The following LSM11 variants were observed in gnomAD, a reference collection of about 807,000 sequenced individuals.
The protein encoded by LSM11 is U7 snRNA-associated Sm-like protein LSm11.
Under a neutral mutation model 28.1 loss-of-function variants are expected in LSM11, and 14 were observed. That is an observed-to-expected ratio of 0.50 (90% CI 0.33 to 0.78). The LOEUF is 0.78. Ranked by LOEUF, LSM11 falls within the 30% of genes least tolerant of loss-of-function variation. LSM11 has a pLI of 0.02. For synonymous variants in LSM11, 207 were observed against 214.2 expected, an observed-to-expected ratio of 0.97 and a Z score of 0.30; for missense variants, 495 against 510.6, an observed-to-expected ratio of 0.97 and a Z score of 0.30.
chr5:157,748,691 C>T (rs1005812327), intron 1 of LSM11, among the ~76,000 whole-genome samples: 8 of 151,936 alleles, frequency 5.3e-5, no homozygotes, highest in African/African-American at 1.7e-4. Context: ...CTAAGGAAAA[C>T]AAGAGTTACT....
chr5:157,752,885 G>A (rs1054283371), intron 2 of LSM11, among the ~76,000 whole-genome samples: 8 of 150,600 alleles, frequency 5.3e-5, no homozygotes, highest in Non-Finnish European at 1.2e-4. Flanking sequence ...GAGCTTTCTG[G>A]TGTTTCTTTT....
chr5:157,744,200 T>G lies in LSM11; in HGVS notation c.448+2T>G. ...GCAACGTGCTCACGCGAATGCCCTG[T>G]GAGTCCGCGGGCCGGGCGGGAAGCG... is the stretch of plus-strand genomic sequence containing the variant. On this transcript the variant is annotated splice_donor_variant, in intron 1 of 3. Transcript: ENST00000286307. LOFTEE classifies it high-confidence loss of function. 7.8e-7 allele frequency: 1 copy of G among 1,279,116 alleles called. No homozygotes were observed. Among genetic ancestry groups the G allele is most frequent in the Non-Finnish European group, 9.9e-7 (1 of 1,012,702 alleles). 79.2% of individuals were successfully genotyped at this position (1,279,116 alleles called of 1,614,324 possible). A position where few individuals can be genotyped will look rare whatever the true frequency, so the allele number is the denominator to read the frequency against.
rs1761360206 is a variant in LSM11 at position 157,758,197 on chromosome 5, T to A, written c.*2933T>A. The A allele has an allele frequency of 6.6e-6, 1 of 152,284 alleles. No homozygotes were observed. 9.4% of individuals were successfully genotyped at this position (152,284 alleles called of 1,614,324 possible). A position where few individuals can be genotyped will look rare whatever the true frequency, so the allele number is the denominator to read the frequency against. ...TGGCGCGATCTCAGCTCCCTGCAAC[T>A]TCTGCCTCCCAGGTTCAAGCGATTC... is the stretch of plus-strand genomic sequence containing the variant. On this transcript the variant is annotated 3_prime_UTR_variant, in exon 4 of 4. Coordinates refer to ENST00000286307, the MANE Select transcript of LSM11 (RefSeq NM_173491.4).
rs1192054743 is a variant in LSM11, at chr5:157,758,161, A to G, written c.*2897A>G. 6.6e-6 allele frequency: 1 copy of G among 152,146 alleles called. No homozygotes were observed. The highest frequency in any genetic ancestry group is 1.5e-5 in the Non-Finnish European group (1 of 68,056). 9.4% of individuals were successfully genotyped at this position (152,146 alleles called of 1,614,324 possible). On this transcript the variant is annotated 3_prime_UTR_variant, in exon 4 of 4. Transcript: ENST00000286307. ...TGAGACAATTTCTCTCTTGTTGCCT[A>G]GGCAGTGCAGTGGCGCGATCTCAGC... is the stretch of plus-strand genomic sequence containing the variant.
chr5:157,752,426 G>A (rs540148687), intron 2 of LSM11, among the ~76,000 whole-genome samples: 4 of 151,876 alleles, frequency 2.6e-5, no homozygotes, highest in South Asian at 2.1e-4. Flanking sequence ...CACTGCGCCC[G>A]GCCACATGGT....
rs201519420 is a variant in LSM11, at chr5:157,757,174, GA to G, written c.*1923del. ...GAGCAAGACTCTGTCTCAAAAAAAG[GA>G]AAAAAAAAAAAAGTAATCTTAGGGT... is the stretch of plus-strand genomic sequence containing the variant. On this transcript the variant is annotated 3_prime_UTR_variant, in exon 4 of 4. Coordinates refer to ENST00000286307, the MANE Select transcript of LSM11 (RefSeq NM_173491.4). The G allele has an allele frequency of 0.087, 12,328 of 141,276 alleles. 562 individuals carry two copies. The highest frequency in any genetic ancestry group is 0.11 in the South Asian group (507 of 4,424). The allele number at this position is 141,276 out of a possible 1,614,324, so 8.8% of individuals were successfully genotyped here.
At position 157,755,425 on chromosome 5, in the gene LSM11, G is replaced by GTCCTCCCCTT; in HGVS notation, c.*161_*162insTCCTCCCCTT. 1.3e-6 allele frequency: 1 copy of GTCCTCCCCTT among 760,850 alleles called. No homozygotes were observed. Among genetic ancestry groups the GTCCTCCCCTT allele is most frequent in the Non-Finnish European group, 2.1e-6 (1 of 484,176 alleles). The allele number at this position is 760,850 out of a possible 1,614,324, so 47.1% of individuals were successfully genotyped here. A position where few individuals can be genotyped will look rare whatever the true frequency, so the allele number is the denominator to read the frequency against. On this transcript the variant is annotated 3_prime_UTR_variant, in exon 4 of 4. Coordinates refer to ENST00000286307, the MANE Select transcript of LSM11 (RefSeq NM_173491.4). The stretch of plus-strand genomic sequence containing the variant: ...AGCCCCCTGGAAGATGAGCTCAAGG[G>GTCCTCCCCTT]GAGGACAGGCCTTGGGAGGGCAGGC...
chr5:157,751,671 C>T, intron 2 of LSM11, 142 bp downstream of exon 2: 1 of 947,874 alleles, frequency 1.1e-6, no homozygotes, highest in Non-Finnish European at 1.6e-6. Flanking sequence ...TACTTTTGGG[C>T]AACAACAAGA....
chr5:157,744,060 G>GCCCCGGACC lies in LSM11; in HGVS notation c.313_321dup (p.Pro105_Pro107dup). On this transcript the variant is annotated inframe_insertion, in exon 1 of 4. Coordinates refer to ENST00000286307, the MANE Select transcript of LSM11 (RefSeq NM_173491.4). Reference sequence around the variant, plus strand: ...GACTCGTCGCCGCCCGGACGCGCCCGCCCCGGACCCCGAGCGCATCCAGCG... The same window carrying GCCCCGGACC: ...GACTCGTCGCCGCCCGGACGCGCCCGCCCCGGACCCCCCGGACCCCGAGCGCATCCAGCG... The GCCCCGGACC allele has an allele frequency of 6.9e-7, 1 of 1,457,596 alleles. No individual in the cohort carries two copies. Among genetic ancestry groups the GCCCCGGACC allele is most frequent in the Non-Finnish European group, 9.0e-7 (1 of 1,107,026 alleles). The allele number at this position is 1,457,596 out of a possible 1,614,324, so 90.3% of individuals were successfully genotyped here.
At chr5:157,746,269 A>G (rs892811191) in intron 1 of LSM11, among the ~76,000 whole-genome samples, 1 of 152,262 alleles carries the variant, frequency 6.6e-6, no homozygotes, top group African/African-American at 2.4e-5. Flanking sequence ...TATGCATTTG[A>G]GAATGCATAA....
At chr5:157,746,859 G>A (rs1387499117) in intron 1 of LSM11, among the ~76,000 whole-genome samples, 1 of 152,142 alleles carries the variant, frequency 6.6e-6, no homozygotes, top group Non-Finnish European at 1.5e-5. Context: ...GCAGTGAGCC[G>A]AGATCATAGG....
chr5:157,748,642 C>T (rs559598506), intron 1 of LSM11, among the ~76,000 whole-genome samples: 16 of 152,260 alleles, frequency 1.1e-4, no homozygotes, highest in Non-Finnish European at 1.6e-4. Flanking sequence ...GAGACGCAGA[C>T]GTGGCTTCTG....
At chr5:157,746,403 C>T (rs532970917) in intron 1 of LSM11, among the ~76,000 whole-genome samples, 107 of 152,330 alleles carry the variant, frequency 7.0e-4, no homozygotes, top group African/African-American at 2.4e-3. Context: ...CATTTTGTCG[C>T]TGACTTTAAA....
intron 1 of LSM11, among the ~76,000 whole-genome samples, chr5:157,747,910 T>C (rs904627246): frequency 6.6e-6 from 1 of 152,170 alleles, no homozygotes; most frequent in African/African-American, 2.4e-5. Context: ...CTTGTCACTT[T>C]TCTCAGCTCA....
At chr5:157,752,865 A>AT (rs3045963) in intron 2 of LSM11, among the ~76,000 whole-genome samples, 1 of 142,266 alleles carries the variant, frequency 7.0e-6, no homozygotes, top group Non-Finnish European at 1.5e-5. Flanking sequence ...AAAAAAAAAA[A>AT]GAACCACCAG....
intron 3 of LSM11, 99 bp from the exon 4 acceptor site, chr5:157,754,755 C>A: frequency 9.8e-7 from 1 of 1,015,388 alleles, no homozygotes; most frequent in Non-Finnish European, 1.4e-6. Context: ...GCAAGGAGTC[C>A]ACAGAACATA....
intron 3 of LSM11, 141 bp from the exon 4 acceptor site, chr5:157,754,713 A>C (rs1761295011): frequency 1.8e-6 from 1 of 559,136 alleles, no homozygotes; most frequent in Non-Finnish European, 2.9e-6. Context: ...AAAAAAAAAA[A>C]GATTTATTAC....
intron 1 of LSM11, among the ~76,000 whole-genome samples, chr5:157,746,897 A>G (rs974451469): frequency 1.3e-5 from 2 of 152,154 alleles, no homozygotes; most frequent in Admixed American, 6.5e-5. Context: ...TACAGAGGTG[A>G]TACGAGGTCT....
Position 157,755,175 on chromosome 5 carries a change from A to G in LSM11, c.994A>G (p.Lys332Glu), listed in dbSNP as rs1761305066. 7 of 1,614,252 alleles carry G rather than the reference A, an allele frequency of 4.3e-6. No individual in the cohort carries two copies. The highest frequency in any genetic ancestry group is 5.9e-6 in the Non-Finnish European group (7 of 1,180,052). Reference protein sequence around the residue: ...GQSRKKKRKPKVDYQQVFTRH... With the variant: ...GQSRKKKRKPEVDYQQVFTRH... The stretch of plus-strand genomic sequence containing the variant: ...GTCCCGTAAGAAAAAGCGAAAGCCC[A>G]AAGTGGATTACCAGCAGGTATTCAC... Residue 332 changes from lysine (K) to glutamate (E), a missense_variant, in exon 4 of 4, where the codon AAA (lysine) becomes GAA (glutamate). By Grantham distance (56) the Lys-to-Glu change is moderately conservative. Transcript: ENST00000286307.
Sources: allele counts gnomAD v4.1 joint callset (sites outside exome capture counted in the v4.1 genomes callset), GRCh38; gene constraint gnomAD v4.1.1; transcripts MANE v1.5; gene names NCBI Gene and HGNC (gene_info 2026-07-23, HGNC 2026-07-21).